PIK3C2G: variants seen among roughly 807,000 people sequenced by gnomAD.
PIK3C2G encodes phosphatidylinositol-4-phosphate 3-kinase catalytic subunit type 2 gamma.
PIK3C2G carries 168 observed loss-of-function variants against 181.1 expected under a neutral mutation model. The observed-to-expected ratio is 0.93, with a 90% CI of 0.82 to 1.05. The LOEUF (loss-of-function observed/expected upper bound fraction) is 1.05, where lower values mean the gene tolerates loss of function less well. PIK3C2G is among the 50% of genes least tolerant of loss of function. The pLI is 0.00. For synonymous variants in PIK3C2G, 573 were observed against 592.2 expected, an observed-to-expected ratio of 0.97 and a Z score of 0.47; for missense variants, 1,869 against 1,732.8, an observed-to-expected ratio of 1.08 and a Z score of -1.40.
intron 26 of PIK3C2G, among the ~76,000 whole-genome samples, chr12:18,560,457 A>T (rs1945289339): frequency 6.6e-6 from 1 of 152,100 alleles, no homozygotes; most frequent in African/African-American, 2.4e-5. Flanking sequence ...GAAACCTCAG[A>T]AAGGAAGTGA....
At chr12:18,605,561 T>C (rs1343657762) in intron 30 of PIK3C2G, among the ~76,000 whole-genome samples, 1 of 152,062 alleles carries the variant, frequency 6.6e-6, no homozygotes, top group Non-Finnish European at 1.5e-5. Flanking sequence ...ATACCAAAAC[T>C]AGGACAGGAC....
intron 16 of PIK3C2G, among the ~76,000 whole-genome samples, chr12:18,402,403 T>G (rs1944295547): frequency 6.6e-6 from 1 of 152,110 alleles, no homozygotes; most frequent in Non-Finnish European, 1.5e-5. Context: ...TGACTGCTAA[T>G]GGGTATGAGG....
chr12:18,338,688 T>TA (rs1040512752), intron 9 of PIK3C2G, 140 bp downstream of exon 9: 2 of 609,138 alleles, frequency 3.3e-6, no homozygotes, highest in African/African-American at 3.7e-5. Context: ...TGTGTGTGTG[T>TA]GTGTGTGTGT....
chr12:18,576,387 G>T (rs1040202553), intron 29 of PIK3C2G, among the ~76,000 whole-genome samples: 10 of 152,114 alleles, frequency 6.6e-5, no homozygotes, highest in African/African-American at 2.4e-4. Flanking sequence ...ACCAAATCAT[G>T]ACTGTGCCCT....
At chr12:18,551,725 G>T (rs79812897) in intron 26 of PIK3C2G, among the ~76,000 whole-genome samples, 7 of 152,180 alleles carry the variant, frequency 4.6e-5, no homozygotes, top group African/African-American at 1.7e-4. Context: ...TAGATTAAAG[G>T]CTCTACATGG....
At chr12:18,535,280 AGAAGT>A (rs1943786920) in intron 24 of PIK3C2G, among the ~76,000 whole-genome samples, 1 of 152,096 alleles carries the variant, frequency 6.6e-6, no homozygotes, top group Non-Finnish European at 1.5e-5. Context: ...AAAATTGCTC[AGAAGT>A]GAGCCATGAA....
intron 1 of PIK3C2G, among the ~76,000 whole-genome samples, chr12:18,253,404 C>T (rs2136959881): frequency 6.6e-6 from 1 of 152,108 alleles, no homozygotes; most frequent in African/African-American, 2.4e-5. Flanking sequence ...TTATTATAAT[C>T]AAGAAGCAAA....
Position 18,391,162 on chromosome 12 carries a change from A to T in PIK3C2G, c.2036A>T (p.Asp679Val), listed in dbSNP as rs1943509701. 1.9e-6 allele frequency: 3 copies of T among 1,609,216 alleles called. No individual in the cohort carries two copies. In the South Asian group the frequency reaches 3.3e-5, roughly 18 times the overall value. The change falls in exon 15 of 33, where the codon GAT (aspartate) becomes GTT (valine). Residue 679 changes from aspartate to valine, a missense_variant. Transcript: ENST00000538779. Reference sequence around the variant, plus strand: ...ACTGGGTGGGAGTATATGAAACCTGATTCTGAAGAGAATAGAAGTAATCTT... The same window carrying T: ...ACTGGGTGGGAGTATATGAAACCTGTTTCTGAAGAGAATAGAAGTAATCTT... ...PATGWEYMKP[D>V]SEENRSNLEE...
intron 6 of PIK3C2G, among the ~76,000 whole-genome samples, chr12:18,320,383 A>T (rs886854423): frequency 6.6e-6 from 1 of 152,194 alleles, no homozygotes; most frequent in African/African-American, 2.4e-5. Context: ...TGATATTTTA[A>T]GATAAGTAGT....
chr12:18,457,471 C>G (rs777859549), intron 18 of PIK3C2G, among the ~76,000 whole-genome samples: 3 of 152,136 alleles, frequency 2.0e-5, no homozygotes, highest in Non-Finnish European at 4.4e-5. Flanking sequence ...GCACTGGCCT[C>G]AGTTCCGTGT....
At chr12:18,552,507 A>AC (rs1285634701) in intron 26 of PIK3C2G, among the ~76,000 whole-genome samples, 1 of 152,104 alleles carries the variant, frequency 6.6e-6, no homozygotes, top group African/African-American at 2.4e-5. Context: ...AATAAACACT[A>AC]CCAAGGGGAG....
intron 2 of PIK3C2G, among the ~76,000 whole-genome samples, chr12:18,285,973 T>G (rs1949427066): frequency 6.6e-6 from 1 of 151,656 alleles, no homozygotes; most frequent in African/African-American, 2.4e-5. Flanking sequence ...CAGAGATAGA[T>G]TGAAAGTAAA....
chr12:18,676,403 A>C, the PIK3C2G span, among the ~76,000 whole-genome samples: 1 of 152,090 alleles, frequency 6.6e-6, no homozygotes, highest in South Asian at 2.1e-4. Context: ...CCCTTTAGCA[A>C]ACTGAGCATC....
chr12:18,273,700 C>A (rs1948844171), intron 1 of PIK3C2G, among the ~76,000 whole-genome samples: 1 of 151,912 alleles, frequency 6.6e-6, no homozygotes, highest in South Asian at 2.1e-4. Context: ...CCATAAAAAC[C>A]CTAGAAGGAA....
chr12:18,566,841 T>C (rs1945663204), intron 28 of PIK3C2G, 108 bp from the exon 29 acceptor site: 4 of 689,274 alleles, frequency 5.8e-6, no homozygotes, highest in Non-Finnish European at 1.0e-5. Flanking sequence ...TTTTCAAATG[T>C]TTTCATTGGC....
intron 32 of PIK3C2G, among the ~76,000 whole-genome samples, chr12:18,642,863 G>T (rs4764411): frequency 0.2 from 30,568 of 150,710 alleles, 3,327 homozygotes; most frequent in East Asian, 0.41. Flanking sequence ...TATATATATA[G>T]AGAGAGAGAG....
intron 13 of PIK3C2G, 96 bp downstream of exon 13, chr12:18,371,407 G>T: frequency 2.0e-6 from 2 of 998,600 alleles, no homozygotes; most frequent in Admixed American, 3.1e-5. Flanking sequence ...AGGAAATCAA[G>T]ACATTTTATT....
At chr12:18,439,025 G>T (rs541610967) in intron 18 of PIK3C2G, among the ~76,000 whole-genome samples, 4 of 152,012 alleles carry the variant, frequency 2.6e-5, no homozygotes, top group African/African-American at 9.6e-5. Context: ...CATGGAATTT[G>T]GATCTCAGAT....
chr12:18,291,891 CAAAA>C (rs201787425), intron 4 of PIK3C2G, among the ~76,000 whole-genome samples: 2 of 112,318 alleles, frequency 1.8e-5, no homozygotes, highest in Non-Finnish European at 1.9e-5. Flanking sequence ...CTAGCTTAAG[CAAAA>C]AAAAAAAAAA....
Sources: gnomAD v4.1 joint callset for allele counts (sites outside exome capture counted in the v4.1 genomes callset) on GRCh38, gnomAD v4.1.1 for gene constraint, MANE v1.5 for transcripts, NCBI Gene and HGNC (gene_info 2026-07-23, HGNC 2026-07-21) for gene names.